The following PRKN variants were observed in gnomAD, a reference collection of about 807,000 sequenced individuals.
PRKN encodes the protein parkin RBR E3 ubiquitin protein ligase.
Under a neutral mutation model 59.5 loss-of-function variants are expected in PRKN, and 56 were observed. That is an observed-to-expected ratio of 0.94 (90% CI 0.76 to 1.18). The LOEUF (loss-of-function observed/expected upper bound fraction) is 1.18, where lower values mean the gene tolerates loss of function less well. Ranked by LOEUF, PRKN falls within the 50% of genes most tolerant of loss-of-function variation. PRKN has a pLI of 0.00. For synonymous variants in PRKN, 250 were observed against 222.1 expected (o/e 1.13, Z -1.12); for missense variants, 657 against 596.4 (o/e 1.10, Z -1.06).
At chr6:161,843,154 T>C (rs1370923873) in intron 6 of PRKN, among the ~76,000 whole-genome samples, 3 of 152,182 alleles carry the variant, frequency 2.0e-5, no homozygotes, top group East Asian at 1.9e-4. Flanking sequence ...GAGGATTGCA[T>C]AATTTAAGCC....
chr6:162,346,160 C>T (rs996321430), intron 2 of PRKN, among the ~76,000 whole-genome samples: 7 of 152,162 alleles, frequency 4.6e-5, no homozygotes, highest in African/African-American at 1.7e-4. Flanking sequence ...GTTGTAACAA[C>T]ATAAAACAAA....
In PRKN at chr6:161,369,541, C is replaced by A. The variant is rs1315069964; in HGVS notation, c.1168-9336G>T. 1.3e-5 allele frequency among the ~76,000 whole-genome samples: 2 copies of A among 152,138 alleles called. No homozygotes were observed. The highest frequency in any genetic ancestry group is 1.3e-4 in the Admixed American group (2 of 15,272). Reference sequence around the variant, plus strand: ...AAGGTTTTGTTGTGATTCAGCATCACCGCCCGATTGTGCAATAAAGTGTGG... The same window carrying A: ...AAGGTTTTGTTGTGATTCAGCATCAACGCCCGATTGTGCAATAAAGTGTGG... On this transcript the variant is annotated intron_variant, in intron 10 of 11. Coordinates refer to ENST00000366898, the MANE Select transcript of PRKN (RefSeq NM_004562.3). The surrounding 1 kb of genome is among the most constrained non-coding windows in gnomAD (Gnocchi z 5.8).
intron 2 of PRKN, among the ~76,000 whole-genome samples, chr6:162,426,666 T>C (rs964290732): frequency 1.3e-5 from 2 of 152,116 alleles, no homozygotes; most frequent in African/African-American, 2.4e-5. Flanking sequence ...AGGCTGGTGT[T>C]AAACTCCTGA....
intron 4 of PRKN, among the ~76,000 whole-genome samples, chr6:162,097,858 G>A (rs1390639965): frequency 2.0e-5 from 3 of 152,264 alleles, no homozygotes; most frequent in East Asian, 1.9e-4. Flanking sequence ...GGAAACCAAC[G>A]AAAAGCTTCC....
At position 162,339,170 on chromosome 6, in the gene PRKN, G is replaced by A. The variant is rs1440569365; in HGVS notation, c.172-76405C>T. On this transcript the variant is annotated intron_variant, in intron 2 of 11. Coordinates refer to ENST00000366898, the MANE Select transcript of PRKN (RefSeq NM_004562.3). The stretch of plus-strand genomic sequence containing the variant: ...CGTCTGAGAAGTGAGGAGCCTCTCC[G>A]CCCGGCAGCCACCCCATCTGGGAAG... Among the ~76,000 whole-genome samples, 9 of 145,164 alleles carry A rather than the reference G, an allele frequency of 6.2e-5. No individual in the cohort carries two copies. The South Asian group carries it at 8.8e-4, about 14-fold the overall frequency.
intron 3 of PRKN, among the ~76,000 whole-genome samples, chr6:162,257,987 T>A (rs1048465098): frequency 3.9e-5 from 6 of 152,108 alleles, no homozygotes; most frequent in African/African-American, 1.4e-4. Context: ...CTCCACCTGC[T>A]CCAAGCTCCA....
chr6:162,405,442 GAGA>G (rs1788010284), intron 2 of PRKN, among the ~76,000 whole-genome samples: 1 of 152,128 alleles, frequency 6.6e-6, no homozygotes, highest in South Asian at 2.1e-4. Context: ...AAGACTTCGA[GAGA>G]AGAATAAGAT....
chr6:162,587,700 T>C (rs1174895026), intron 1 of PRKN, among the ~76,000 whole-genome samples: 1 of 152,138 alleles, frequency 6.6e-6, no homozygotes, highest in Non-Finnish European at 1.5e-5. Flanking sequence ...AATATAAGCA[T>C]AATAGACTAT....
Position 161,875,037 on chromosome 6 carries a change from A to AAGTATAT in PRKN, c.735-89130_735-89129insATATACT, listed in dbSNP as rs1562357012. On this transcript the variant is annotated intron_variant, in intron 6 of 11. Coordinates refer to ENST00000366898, the MANE Select transcript of PRKN (RefSeq NM_004562.3). ...TATATATAAAGTATATAATATAATA[A>AAGTATAT]ATTATATATTATATATAAAGTATAT... Among the ~76,000 whole-genome samples the AAGTATAT allele has an allele frequency of 7.4e-4, 73 of 98,590 alleles. 1 individual carries two copies. The highest frequency in any genetic ancestry group is 3.3e-3 in the African/African-American group (68 of 20,884). 64.7% of individuals were successfully genotyped at this position (98,590 alleles called of 152,430 possible).
Position 162,085,480 on chromosome 6 carries a change from C to T in PRKN, c.535-31306G>A, listed in dbSNP as rs75326086. On this transcript the variant is annotated intron_variant, in intron 4 of 11. Transcript: ENST00000366898. ...TGTATTAAATGTTAGAAATCAAACACGAGTGAGATTCAGGACTATATTCTA... is the reference window on the plus strand; with the variant it reads ...TGTATTAAATGTTAGAAATCAAACATGAGTGAGATTCAGGACTATATTCTA... 3.5e-4 allele frequency among the ~76,000 whole-genome samples: 53 copies of T among 152,054 alleles called. 1 individual carries two copies. The East Asian group carries it at 8.5e-3, about 24-fold the overall frequency.
At chr6:161,952,349 G>A (rs1424626283) in intron 6 of PRKN, among the ~76,000 whole-genome samples, 1 of 152,156 alleles carries the variant, frequency 6.6e-6, no homozygotes, top group East Asian at 1.9e-4. Flanking sequence ...CAGGCGCCGT[G>A]GCTCATGCCT....
chr6:162,312,503 G>A (rs1038559306), intron 2 of PRKN, among the ~76,000 whole-genome samples: 5 of 152,084 alleles, frequency 3.3e-5, no homozygotes. Flanking sequence ...AAGAGCCCTG[G>A]GCACAGGGCT....
rs1176141655 is a variant in PRKN, at chr6:161,448,281, C to T, written c.1084-61404G>A. On this transcript the variant is annotated intron_variant, in intron 9 of 11. Coordinates refer to ENST00000366898, the MANE Select transcript of PRKN (RefSeq NM_004562.3). The surrounding 1 kb of genome is among the most constrained non-coding windows in gnomAD (Gnocchi z 5.1). Reference sequence around the variant, plus strand: ...CTGCGTATCTCTGAATGGCCACTCCCATGCAGCCCTTGAATGAATTACTTA... The same window carrying T: ...CTGCGTATCTCTGAATGGCCACTCCTATGCAGCCCTTGAATGAATTACTTA... Among the ~76,000 whole-genome samples, 2 of 152,180 alleles carry T rather than the reference C, an allele frequency of 1.3e-5. No individual in the cohort carries two copies. Among genetic ancestry groups the T allele is most frequent in the African/African-American group, 4.8e-5 (2 of 41,432 alleles).
chr6:161,749,090 A>T (rs1788562976), intron 7 of PRKN, among the ~76,000 whole-genome samples: 1 of 152,124 alleles, frequency 6.6e-6, no homozygotes, highest in Non-Finnish European at 1.5e-5. Flanking sequence ...CTCTATAGTA[A>T]GGATTCAGGG....
chr6:162,239,504 T>C (rs1461347339), intron 3 of PRKN, among the ~76,000 whole-genome samples: 2 of 152,046 alleles, frequency 1.3e-5, no homozygotes, highest in Non-Finnish European at 2.9e-5. Context: ...GAGTCAGCCA[T>C]CCAACGCAGC....
chr6:161,773,066 T>C (rs892722880), intron 7 of PRKN, among the ~76,000 whole-genome samples: 7 of 152,250 alleles, frequency 4.6e-5, no homozygotes, highest in African/African-American at 1.4e-4. Flanking sequence ...GATCAGATAG[T>C]AGTTATATCT....
In PRKN at chr6:161,428,131, A is replaced by G. The variant is rs1788476051; in HGVS notation, c.1084-41254T>C. 6.6e-6 allele frequency among the ~76,000 whole-genome samples: 1 copy of G among 152,174 alleles called. No individual in the cohort carries two copies. Among genetic ancestry groups the G allele is most frequent in the Non-Finnish European group, 1.5e-5 (1 of 68,034 alleles). The stretch of plus-strand genomic sequence containing the variant: ...TCCACCTGCATCTTCTGGCACTTGC[A>G]CTGTGGGGGCCTTCCTCAAAGCCGT... On this transcript the variant is annotated intron_variant, in intron 9 of 11. Transcript: ENST00000366898. This position sits in a 1 kb window ranked among gnomAD's most constrained non-coding sequence, Gnocchi z 4.0.
chr6:162,108,527 C>T (rs1398464530), intron 4 of PRKN, among the ~76,000 whole-genome samples: 1 of 152,140 alleles, frequency 6.6e-6, no homozygotes. Context: ...TGAAACATAG[C>T]AGGAACTCAA....
At chr6:161,621,987 A>G (rs1020585933) in intron 7 of PRKN, among the ~76,000 whole-genome samples, 1 of 152,170 alleles carries the variant, frequency 6.6e-6, no homozygotes, top group Non-Finnish European at 1.5e-5. Flanking sequence ...TTCTCCCCAG[A>G]GAGGATGCCT....
Sources: gnomAD v4.1 joint callset for allele counts (sites outside exome capture counted in the v4.1 genomes callset) on GRCh38, gnomAD v4.1.1 for gene constraint, Gnocchi (gnomAD v3.1) non-coding constraint, MANE v1.5 for transcripts, NCBI Gene and HGNC (gene_info 2026-07-23, HGNC 2026-07-21) for gene names.